Variants in SCAPER observed in about 807,000 individuals in gnomAD.
The protein encoded by SCAPER is S-phase cyclin A associated protein in the ER.
Under a neutral mutation model 182.2 loss-of-function variants are expected in SCAPER, and 98 were observed. That is an observed-to-expected ratio of 0.54 (90% CI 0.46 to 0.64). The LOEUF (loss-of-function observed/expected upper bound fraction) is 0.64, where lower values mean the gene tolerates loss of function less well. SCAPER is among the 30% of genes least tolerant of loss of function. The probability of loss-of-function intolerance (pLI) is 0.00; values close to 1 mark genes in which losing one functional copy is unlikely to be tolerated. For missense variants in SCAPER, 1,432 were observed against 1,690.0 expected (o/e 0.85, Z 2.68); for synonymous variants, 605 against 564.6 (o/e 1.07, Z -1.01).
At chr15:76,893,938 T>C (rs1239050342) in intron 1 of SCAPER, among the ~76,000 whole-genome samples, 2 of 152,092 alleles carry the variant, frequency 1.3e-5, no homozygotes, top group Admixed American at 6.6e-5. Flanking sequence ...GGCAAGTTTA[T>C]AGTGACAAAA....
At chr15:76,636,599 A>C (rs901434503) in intron 21 of SCAPER, among the ~76,000 whole-genome samples, 5 of 152,170 alleles carry the variant, frequency 3.3e-5, no homozygotes, top group Non-Finnish European at 7.3e-5. Flanking sequence ...ATTCTTTGAG[A>C]ATATGGTCTG....
intron 5 of SCAPER, among the ~76,000 whole-genome samples, chr15:76,821,900 AAGT>A (rs1259969128): frequency 2.6e-5 from 4 of 152,118 alleles, no homozygotes; most frequent in Non-Finnish European, 5.9e-5. Flanking sequence ...TAAGAAATAA[AAGT>A]AGAGGTTACA....
At chr15:76,428,678 G>A (rs1461978327) in intron 26 of SCAPER, among the ~76,000 whole-genome samples, 1 of 151,438 alleles carries the variant, frequency 6.6e-6, no homozygotes, top group South Asian at 2.1e-4. Flanking sequence ...TTGGTCAATG[G>A]GTACAAGGCT....
chr15:76,360,474 C>A (rs959368059), intron 29 of SCAPER, among the ~76,000 whole-genome samples: 3 of 152,138 alleles, frequency 2.0e-5, no homozygotes, highest in South Asian at 2.1e-4. Flanking sequence ...TAGATTCTTC[C>A]TCACCTCAAA....
At chr15:76,657,021 TG>T (rs1375701043) in intron 21 of SCAPER, among the ~76,000 whole-genome samples, 2 of 151,898 alleles carry the variant, frequency 1.3e-5, no homozygotes, top group African/African-American at 4.8e-5. Context: ...CCAAAGCTAG[TG>T]GAAGACAAGA....
rs1414455056 is a variant in SCAPER at position 76,652,295 on chromosome 15, TATATATATATATATAC to T, written c.2645+13342_2645+13357del. Among the ~76,000 whole-genome samples the T allele has an allele frequency of 2.1e-3, 60 of 27,992 alleles. 5 individuals carry two copies. Among genetic ancestry groups the T allele is most frequent in the African/African-American group, 9.1e-3 (54 of 5,946 alleles). 18.4% of individuals were successfully genotyped at this position (27,992 alleles called of 152,430 possible). A position where few individuals can be genotyped will look rare whatever the true frequency, so the allele number is the denominator to read the frequency against. On this transcript the variant is annotated intron_variant, in intron 21 of 31. Transcript: ENST00000563290. ...AAAAATATATATATATATATATATA[TATATATATATATATAC>T]ACACACACACACACACACACATACA...
At chr15:76,518,452 T>TA (rs1006995558) in intron 23 of SCAPER, among the ~76,000 whole-genome samples, 4 of 152,294 alleles carry the variant, frequency 2.6e-5, no homozygotes, top group Middle Eastern at 3.4e-3. Flanking sequence ...CAAGCACAGC[T>TA]AATTTTAGAG....
In SCAPER at chr15:76,767,092, TA is replaced by T; in HGVS notation, c.1249-5del. On this transcript the variant is annotated splice_region_variant and splice_polypyrimidine_tract_variant and intron_variant, in intron 10 of 31. Transcript: ENST00000563290. ...TAGCAAGGACTTCTGCCATGGACTATAAAGTTAAAAACACATAAACAAAAAG... is the reference window on the plus strand; with the variant it reads ...TAGCAAGGACTTCTGCCATGGACTATAAGTTAAAAACACATAAACAAAAAG... 1 of 1,567,154 alleles carries T rather than the reference TA, an allele frequency of 6.4e-7. No individual in the cohort carries two copies. The highest frequency in any genetic ancestry group is 2.0e-5 in the Admixed American group (1 of 50,600).
At chr15:76,504,756 C>T (rs1258626176) in intron 24 of SCAPER, 103 bp downstream of exon 24, 1 of 919,248 alleles carries the variant, frequency 1.1e-6, no homozygotes, top group East Asian at 2.7e-5. Flanking sequence ...GTATTCAACC[C>T]TGAATACACA....
intron 29 of SCAPER, among the ~76,000 whole-genome samples, chr15:76,371,274 C>A (rs2042150771): frequency 6.6e-6 from 1 of 151,634 alleles, no homozygotes; most frequent in South Asian, 2.1e-4. Flanking sequence ...ATAAAGAACT[C>A]TACAAATATA....
chr15:76,604,539 G>A lies in SCAPER; in HGVS notation c.2711+17225C>T, dbSNP rs1381472912. 3.7e-5 allele frequency among the ~76,000 whole-genome samples: 4 copies of A among 108,718 alleles called. 1 individual carries two copies. Among genetic ancestry groups the A allele is most frequent in the Non-Finnish European group, 9.3e-5 (4 of 43,196 alleles). The allele number at this position is 108,718 out of a possible 152,430, so 71.3% of individuals were successfully genotyped here. A position where few individuals can be genotyped will look rare whatever the true frequency, so the allele number is the denominator to read the frequency against. Reference sequence around the variant, plus strand: ...TTTTTGGTTCCATATGAACTTTAAAGTAGTTTTTTCTGATTCTGTGAAGAA... The same window carrying A: ...TTTTTGGTTCCATATGAACTTTAAAATAGTTTTTTCTGATTCTGTGAAGAA... On this transcript the variant is annotated intron_variant, in intron 22 of 31. Transcript: ENST00000563290.
chr15:76,387,094 T>C (rs536285159), intron 27 of SCAPER, among the ~76,000 whole-genome samples: 31 of 152,296 alleles, frequency 2.0e-4, no homozygotes, highest in Non-Finnish European at 3.8e-4. Flanking sequence ...TCTGAAAATA[T>C]TCAGACGGGC....
At chr15:76,439,244 C>A (rs2047400139) in intron 25 of SCAPER, among the ~76,000 whole-genome samples, 1 of 152,076 alleles carries the variant, frequency 6.6e-6, no homozygotes, top group Non-Finnish European at 1.5e-5. Context: ...TGCCATCAGG[C>A]CCAGCTAATA....
At chr15:76,528,294 C>A (rs546533307) in intron 23 of SCAPER, among the ~76,000 whole-genome samples, 1 of 152,138 alleles carries the variant, frequency 6.6e-6, no homozygotes, top group South Asian at 2.1e-4. Context: ...GATTATCATC[C>A]ATTTCTACTG....
intron 1 of SCAPER, among the ~76,000 whole-genome samples, chr15:76,902,624 G>T (rs1272426062): frequency 2.0e-5 from 3 of 152,200 alleles, no homozygotes; most frequent in South Asian, 4.1e-4. Flanking sequence ...ATGGATATCA[G>T]ATTGTACCCT....
chr15:76,801,230 T>A (rs1453742451), intron 6 of SCAPER, among the ~76,000 whole-genome samples: 1 of 152,234 alleles, frequency 6.6e-6, no homozygotes, highest in Non-Finnish European at 1.5e-5. Context: ...TCTGATTAAT[T>A]TGAAATAGTT....
chr15:76,579,271 A>AAAAG (rs1323565771), intron 22 of SCAPER, among the ~76,000 whole-genome samples: 1 of 149,698 alleles, frequency 6.7e-6, no homozygotes, highest in Admixed American at 6.6e-5. Context: ...GTCTCAAAAA[A>AAAAG]AAAAAAAAAA....
intron 21 of SCAPER, among the ~76,000 whole-genome samples, chr15:76,624,434 G>A (rs979726570): frequency 3.9e-5 from 6 of 152,172 alleles, no homozygotes; most frequent in Non-Finnish European, 7.3e-5. Context: ...TTCCATAGGG[G>A]CTCATGGATT....
rs200075739 is a variant in SCAPER, at chr15:76,856,535, C to CT, written c.195+1273dup. ...CATACATATATGTATATATTTTTAA[C>CT]TTTTTTTACATATATATGTATATAA... On this transcript the variant is annotated intron_variant, in intron 4 of 31. Coordinates refer to ENST00000563290, the MANE Select transcript of SCAPER (RefSeq NM_020843.4). Among the ~76,000 whole-genome samples, 1,240 of 150,808 alleles carry CT rather than the reference C, an allele frequency of 8.2e-3. 13 individuals are homozygous for CT. Among genetic ancestry groups the CT allele is most frequent in the African/African-American group, 0.028 (1,160 of 41,206 alleles).
Sources: allele counts gnomAD v4.1 joint callset (sites outside exome capture counted in the v4.1 genomes callset), GRCh38; gene constraint gnomAD v4.1.1; transcripts MANE v1.5; gene names NCBI Gene and HGNC (gene_info 2026-07-23, HGNC 2026-07-21).